The following CADPS2 variants were observed in gnomAD, a reference collection of about 807,000 sequenced individuals.
CADPS2 encodes calcium dependent secretion activator 2.
In CADPS2, 93 loss-of-function variants were observed where a neutral mutation model predicts 172.5. The ratio of observed to expected loss-of-function variants is 0.54; its 90% CI spans 0.46 to 0.64. CADPS2 has a LOEUF of 0.64. Among genes scored for constraint, CADPS2 ranks in the 30% least tolerant of loss-of-function variants. The pLI is 0.00. For missense variants in CADPS2, 1,420 were observed against 1,565.9 expected (o/e 0.91, Z 1.57); for synonymous variants, 546 against 555.2 (o/e 0.98, Z 0.23).
rs376463521 is a variant in CADPS2 at position 122,702,123 on chromosome 7, C to G, written c.453+34832G>C. The G allele has an allele frequency of 2.0e-5, 33 of 1,613,434 alleles. No individual in the cohort carries two copies. The East Asian group carries it at 4.0e-4, about 20-fold the overall frequency. On this transcript the variant is annotated intron_variant, in intron 2 of 29. Transcript: ENST00000449022. ...GGCACTCTAGGTGTAAGTCTCCAGACGCAATCTAAGTAAAAGTAGGCAATT... is the reference window on the plus strand; with the variant it reads ...GGCACTCTAGGTGTAAGTCTCCAGAGGCAATCTAAGTAAAAGTAGGCAATT...
At chr7:122,550,689 T>C (rs1258170266) in intron 8 of CADPS2, among the ~76,000 whole-genome samples, 1 of 152,230 alleles carries the variant, frequency 6.6e-6, no homozygotes, top group East Asian at 1.9e-4. Context: ...TTTAAGTTAA[T>C]ACTGTTACTT....
intron 1 of CADPS2, among the ~76,000 whole-genome samples, chr7:122,737,757 T>C (rs1284262986): frequency 1.3e-5 from 2 of 152,016 alleles, no homozygotes; most frequent in Non-Finnish European, 2.9e-5. Context: ...ATATTAATAA[T>C]ATTATACAAA....
intron 27 of CADPS2, among the ~76,000 whole-genome samples, chr7:122,352,973 T>C (rs1341723524): frequency 1.3e-5 from 2 of 152,190 alleles, no homozygotes; most frequent in African/African-American, 2.4e-5. Context: ...GGAAGCATCA[T>C]TCCAGGTAGA....
At chr7:122,693,836 C>T (rs2084719039) in intron 2 of CADPS2, among the ~76,000 whole-genome samples, 1 of 152,090 alleles carries the variant, frequency 6.6e-6, no homozygotes, top group African/African-American at 2.4e-5. Context: ...CGTGGTGGTG[C>T]ACACCTGTAA....
intron 2 of CADPS2, among the ~76,000 whole-genome samples, chr7:122,667,827 A>G (rs981819557): frequency 6.6e-6 from 1 of 152,158 alleles, no homozygotes. Flanking sequence ...AAATAAAAGA[A>G]CAACAGCAAT....
At chr7:122,556,830 G>A (rs1341017464) in intron 7 of CADPS2, among the ~76,000 whole-genome samples, 1 of 151,866 alleles carries the variant, frequency 6.6e-6, no homozygotes, top group Non-Finnish European at 1.5e-5. Context: ...TCTTCAATAG[G>A]GCTTAGTTTA....
intron 24 of CADPS2, among the ~76,000 whole-genome samples, chr7:122,383,911 C>T (rs893442549): frequency 1.3e-5 from 2 of 152,092 alleles, no homozygotes; most frequent in Admixed American, 1.3e-4. Context: ...CCCCTTGCTC[C>T]CCCGAATTGC....
At chr7:122,448,364 C>T (rs1375073147) in intron 15 of CADPS2, among the ~76,000 whole-genome samples, 1 of 152,126 alleles carries the variant, frequency 6.6e-6, no homozygotes, top group African/African-American at 2.4e-5. Flanking sequence ...ATTACCTCCA[C>T]CCGGTCCCAC....
intron 2 of CADPS2, among the ~76,000 whole-genome samples, chr7:122,679,645 C>G (rs1426135601): frequency 6.6e-6 from 1 of 152,178 alleles, no homozygotes; most frequent in Admixed American, 6.5e-5. Context: ...CTGGTAAAAA[C>G]TTGCTGGTTT....
chr7:122,427,731 CT>C (rs960703794), intron 17 of CADPS2, among the ~76,000 whole-genome samples: 18 of 149,316 alleles, frequency 1.2e-4, no homozygotes, highest in Admixed American at 4.0e-4. Context: ...TTAGATAACA[CT>C]TTTTTTTTTC....
intron 14 of CADPS2, among the ~76,000 whole-genome samples, chr7:122,451,963 CT>C (rs1329350255): frequency 1.3e-5 from 2 of 152,100 alleles, no homozygotes; most frequent in Non-Finnish European, 2.9e-5. Flanking sequence ...TCACTGACCT[CT>C]TTTTGTTTGC....
At chr7:122,360,766 A>G in intron 27 of CADPS2, 22 bp downstream of exon 27, 3 of 1,543,450 alleles carry the variant, frequency 1.9e-6, no homozygotes, top group South Asian at 1.2e-5. Flanking sequence ...ACAGTTTTAA[A>G]AAGCAGATAA....
chr7:122,867,013 T>C (rs893966778), intron 1 of CADPS2, among the ~76,000 whole-genome samples: 1 of 152,140 alleles, frequency 6.6e-6, no homozygotes, highest in African/African-American at 2.4e-5. Flanking sequence ...CACAGGACTT[T>C]TTATTCTTGC....
At chr7:122,836,093 C>G (rs1808330925) in intron 1 of CADPS2, among the ~76,000 whole-genome samples, 1 of 152,160 alleles carries the variant, frequency 6.6e-6, no homozygotes, top group South Asian at 2.1e-4. Context: ...AGCAGAAACT[C>G]TACAAGCCAG....
intron 3 of CADPS2, among the ~76,000 whole-genome samples, chr7:122,658,776 C>G (rs898954112): frequency 6.6e-6 from 1 of 151,992 alleles, no homozygotes; most frequent in African/African-American, 2.4e-5. Context: ...GGAGATATAC[C>G]TAATGTAAAT....
At chr7:122,817,724 AC>A (rs552733964) in intron 1 of CADPS2, among the ~76,000 whole-genome samples, 14 of 151,408 alleles carry the variant, frequency 9.2e-5, no homozygotes, top group Middle Eastern at 3.2e-3. Context: ...GTACCCCTCA[AC>A]CCCTTCTCCT....
chr7:122,760,784 G>A (rs1173753345), intron 1 of CADPS2, among the ~76,000 whole-genome samples: 1 of 144,324 alleles, frequency 6.9e-6, no homozygotes, highest in African/African-American at 2.6e-5. Context: ...GATACAGGAA[G>A]GGGAACATCA....
chr7:122,850,111 C>G (rs1813132919), intron 1 of CADPS2: 1 of 1,342,508 alleles, frequency 7.4e-7, no homozygotes, highest in African/African-American at 1.5e-5. Flanking sequence ...GACCTGGCAT[C>G]CATCAACAAC....
intron 5 of CADPS2, 54 bp from the exon 6 acceptor site, chr7:122,615,353 A>G: frequency 8.5e-7 from 1 of 1,180,892 alleles, no homozygotes; most frequent in Non-Finnish European, 1.2e-6. Flanking sequence ...ATTTAGCAAT[A>G]TACATAAACA....
Sources: gnomAD v4.1 joint callset for allele counts (sites outside exome capture counted in the v4.1 genomes callset) on GRCh38, gnomAD v4.1.1 for gene constraint, MANE v1.5 for transcripts, NCBI Gene and HGNC (gene_info 2026-07-23, HGNC 2026-07-21) for gene names.